Variants in AHNAK observed in about 807,000 individuals in gnomAD.
The protein encoded by AHNAK is neuroblast differentiation-associated protein AHNAK.
AHNAK carries 23 observed loss-of-function variants against 37.8 expected under a neutral mutation model. The observed-to-expected ratio is 0.61, with a 90% CI of 0.44 to 0.86. The LOEUF (loss-of-function observed/expected upper bound fraction) is 0.86. Ranked by LOEUF, AHNAK falls within the 40% of genes least tolerant of loss-of-function variation. AHNAK has a pLI of 0.00. For synonymous variants in AHNAK, 2,481 were observed against 2,636.3 expected, an observed-to-expected ratio of 0.94 and a Z score of 1.80; for missense variants, 7,411 against 7,319.4, an observed-to-expected ratio of 1.01 and a Z score of -0.46.
At chr11:62,541,666 C>T (rs1199694456) in intron 1 of AHNAK, among the ~76,000 whole-genome samples, 1 of 152,236 alleles carries the variant, frequency 6.6e-6, no homozygotes, top group African/African-American at 2.4e-5. Flanking sequence ...GTGTTGGCAA[C>T]ATCCCATGCC....
At position 62,523,750 on chromosome 11, in the gene AHNAK, T is replaced by C. The variant is rs941252844; in HGVS notation, c.10667A>G (p.Lys3556Arg). The C allele has an allele frequency of 2.5e-6, 4 of 1,613,840 alleles. No homozygotes were observed. Among genetic ancestry groups the C allele is most frequent in the African/African-American group, 2.7e-5 (2 of 74,834 alleles). Residue 3556 changes from lysine to arginine, a missense_variant, in exon 5 of 5, where the codon AAG becomes AGG. Transcript: ENST00000378024. The stretch of plus-strand genomic sequence containing the variant: ...AGAAATATCCACATCACCTTTCACC[T>C]TGGGGCCTTTCAAGTTTAAGTCAAT... ...PDIDLNLKGPKVKGDVDISLP... is the reference protein window; with the variant it reads ...PDIDLNLKGPRVKGDVDISLP...
chr11:62,442,994 C>T (rs1938342600), intron 5 of AHNAK, among the ~76,000 whole-genome samples: 1 of 151,280 alleles, frequency 6.6e-6, no homozygotes, highest in African/African-American at 2.4e-5. Flanking sequence ...TTTTTTGAGA[C>T]AGAGTCTCGC....
intron 5 of AHNAK, among the ~76,000 whole-genome samples, chr11:62,487,111 G>A (rs918139597): frequency 8.5e-5 from 13 of 152,334 alleles, no homozygotes; most frequent in South Asian, 2.1e-4. Context: ...GGTGCGGGAC[G>A]TCTGGTGACA....
intron 5 of AHNAK, among the ~76,000 whole-genome samples, chr11:62,481,567 TTTTA>T (rs761257613): frequency 7.2e-5 from 11 of 151,932 alleles, no homozygotes; most frequent in East Asian, 3.9e-4. Context: ...ACTCTTTATT[TTTTA>T]TTTATTTATT....
chr11:62,518,669 C>A lies in AHNAK; in HGVS notation c.15748G>T (p.Gly5250Cys). 6.2e-7 allele frequency: 1 copy of A among 1,614,214 alleles called. No individual in the cohort carries two copies. The highest frequency in any genetic ancestry group is 8.5e-7 in the Non-Finnish European group (1 of 1,180,040). Residue 5250 changes from glycine (G) to cysteine (C), a missense_variant, in exon 5 of 5, where the codon GGT (glycine) becomes TGT (cysteine). Coordinates refer to ENST00000378024, the MANE Select transcript of AHNAK (RefSeq NM_001620.3). ...KIGIPGVKME[G>C]GGAEVHAQLP... is the part of the protein sequence containing the mutation. ...TGGGCATGGACCTCGGCTCCCCCAC[C>A]CTCCATTTTCACACCTGGGATGCCG...
chr11:62,534,679 G>C (rs948379540), intron 4 of AHNAK, among the ~76,000 whole-genome samples: 1 of 152,122 alleles, frequency 6.6e-6, no homozygotes, highest in African/African-American at 2.4e-5. Context: ...GGTGGAGCTG[G>C]GCACCTGTGA....
At chr11:62,543,123 A>T (rs1294844231) in intron 1 of AHNAK, among the ~76,000 whole-genome samples, 1 of 152,132 alleles carries the variant, frequency 6.6e-6, no homozygotes, top group African/African-American at 2.4e-5. Context: ...CCTCCCTGAC[A>T]GGCCGTGTGC....
intron 5 of AHNAK, among the ~76,000 whole-genome samples, chr11:62,451,065 G>C (rs1938527344): frequency 1.3e-5 from 2 of 150,328 alleles, no homozygotes; most frequent in Non-Finnish European, 3.0e-5. Flanking sequence ...AGGCTCAGAT[G>C]TTGGTTCTTC....
chr11:62,534,083 A>C lies in AHNAK; in HGVS notation c.343-9T>G. 1 of 1,527,156 alleles carries C rather than the reference A, an allele frequency of 6.5e-7. No individual in the cohort carries two copies. Among genetic ancestry groups the C allele is most frequent in the Non-Finnish European group, 8.8e-7 (1 of 1,137,506 alleles). The allele number at this position is 1,527,156 out of a possible 1,614,324, so 94.6% of individuals were successfully genotyped here. On this transcript the variant is annotated splice_polypyrimidine_tract_variant and intron_variant, in intron 4 of 4. Transcript: ENST00000378024. Reference sequence around the variant, plus strand: ...TCCTCATCATCCCCGCTCTGCAGAAAGACACGCCGGGCAGAGGTTGCAGCA... The same window carrying C: ...TCCTCATCATCCCCGCTCTGCAGAACGACACGCCGGGCAGAGGTTGCAGCA...
In AHNAK at chr11:62,520,134, T is replaced by A; in HGVS notation, c.14283A>T (p.Lys4761Asn). 6.2e-7 allele frequency: 1 copy of A among 1,612,790 alleles called. No homozygotes were observed. The highest frequency in any genetic ancestry group is 8.5e-7 in the Non-Finnish European group (1 of 1,179,740). ...CCACATCAGGGGTGTTGATGTCCAC[T>A]TTTGGGCCCTTGATGTCAGCTTCTG... The part of the protein sequence containing the change: ...KGPEADIKGP[K>N]VDINTPDVDV... The change falls in exon 5 of 5, where the codon AAA (lysine) becomes AAT (asparagine). Residue 4761 changes from lysine to asparagine, a missense_variant. Lys to Asn is a moderately conservative substitution (Grantham distance 94, BLOSUM62 0). Coordinates refer to ENST00000378024, the MANE Select transcript of AHNAK (RefSeq NM_001620.3).
chr11:62,441,002 AATTT>A (rs1159826769), intron 5 of AHNAK, among the ~76,000 whole-genome samples: 1 of 150,890 alleles, frequency 6.6e-6, no homozygotes, highest in Admixed American at 6.6e-5. Flanking sequence ...CCGTCTGTAT[AATTT>A]TTTTTTTTTT....
intron 5 of AHNAK, among the ~76,000 whole-genome samples, chr11:62,450,786 G>A (rs908239444): frequency 3.3e-5 from 5 of 152,262 alleles, no homozygotes; most frequent in Non-Finnish European, 7.3e-5. Context: ...AGACTGGGAC[G>A]CCTCTCTCGC....
chr11:62,447,765 T>C (rs1055023139), intron 5 of AHNAK, among the ~76,000 whole-genome samples: 3 of 137,992 alleles, frequency 2.2e-5, no homozygotes, highest in Admixed American at 7.2e-5. Context: ...CCCGTGGACC[T>C]CTGAAGTTCA....
In AHNAK at chr11:62,527,787, T is replaced by G. The variant is rs756489938; in HGVS notation, c.6630A>C (p.Glu2210Asp). The part of the protein sequence containing the change: ...GDMDVSVPKV[E>D]GEMKVPDVDI... ...CAACATCTGGCACTTTCATTTCACC[T>G]TCTACCTTGGGAACAGACACATCCA... The change falls in exon 5 of 5, where the codon GAA becomes GAC. Residue 2210 changes from glutamate (E) to aspartate (D), a missense_variant. Glu to Asp is a conservative substitution (Grantham distance 45). Transcript: ENST00000378024. The G allele has an allele frequency of 4.2e-5, 67 of 1,613,496 alleles. No individual in the cohort carries two copies. The South Asian group carries it at 7.1e-4, about 17-fold the overall frequency.
In AHNAK at chr11:62,521,842, T is replaced by C; in HGVS notation, c.12575A>G (p.Lys4192Arg). The C allele has an allele frequency of 6.2e-7, 1 of 1,612,714 alleles. No homozygotes were observed. Among genetic ancestry groups the C allele is most frequent in the Non-Finnish European group, 8.5e-7 (1 of 1,179,770 alleles). Reference protein sequence around the residue: ...PDWHLKMPKVKMPKFSMPGFK... With the variant: ...PDWHLKMPKVRMPKFSMPGFK... Reference sequence around the variant, plus strand: ...GCCAGGCATGCTGAACTTGGGCATTTTCACTTTGGGCATTTTTAAGTGCCA... The same window carrying C: ...GCCAGGCATGCTGAACTTGGGCATTCTCACTTTGGGCATTTTTAAGTGCCA... Residue 4192 changes from lysine (K) to arginine (R), a missense_variant, in exon 5 of 5, where the codon AAA (lysine) becomes AGA (arginine). Coordinates refer to ENST00000378024, the MANE Select transcript of AHNAK (RefSeq NM_001620.3).
intron 5 of AHNAK, among the ~76,000 whole-genome samples, chr11:62,447,939 A>G (rs1411186932): frequency 1.3e-5 from 2 of 152,142 alleles, no homozygotes; most frequent in Non-Finnish European, 2.9e-5. Context: ...TCTGAATGAA[A>G]TGACTGGCTA....
intron 5 of AHNAK, among the ~76,000 whole-genome samples, chr11:62,454,314 G>A (rs1938606659): frequency 6.6e-6 from 1 of 151,078 alleles, no homozygotes; most frequent in South Asian, 2.1e-4. Context: ...CCGGGAGGCC[G>A]AGGCAGGAGA....
At chr11:62,472,263 T>G (rs1284550161) in intron 5 of AHNAK, among the ~76,000 whole-genome samples, 1 of 151,938 alleles carries the variant, frequency 6.6e-6, no homozygotes, top group Non-Finnish European at 1.5e-5. Flanking sequence ...CCTCTCACCC[T>G]CTGTAGACCG....
chr11:62,528,938 G>T lies in AHNAK; in HGVS notation c.5479C>A (p.Pro1827Thr). The T allele has an allele frequency of 6.2e-7, 1 of 1,614,112 alleles. No homozygotes were observed. The highest frequency in any genetic ancestry group is 8.5e-7 in the Non-Finnish European group (1 of 1,180,024). ...TCAGGACACTCCAGATCAACATCGG[G>T]CACCTCCGCTTCCACAAAAGGACCT... ...VKGPFVEAEV[P>T]DVDLECPDAK... is the part of the protein sequence containing the mutation. Residue 1827 changes from proline to threonine, a missense_variant, in exon 5 of 5, where the codon CCC becomes ACC. Transcript: ENST00000378024.
Sources: gnomAD v4.1 joint callset for allele counts (sites outside exome capture counted in the v4.1 genomes callset) on GRCh38, gnomAD v4.1.1 for gene constraint, MANE v1.5 for transcripts, NCBI Gene and HGNC (gene_info 2026-07-23, HGNC 2026-07-21) for gene names.